PLPP4: variants seen among roughly 807,000 people sequenced by gnomAD.
PLPP4 encodes diacylglycerol pyrophosphate like 2.
In PLPP4, 20 loss-of-function variants were observed where a neutral mutation model predicts 32.2. That is an observed-to-expected ratio of 0.62 (90% confidence interval 0.44 to 0.90). The LOEUF (loss-of-function observed/expected upper bound fraction) is 0.90, where lower values mean the gene tolerates loss of function less well. Ranked by LOEUF, PLPP4 falls within the 40% of genes least tolerant of loss-of-function variation. The pLI, the probability that PLPP4 is intolerant of heterozygous loss-of-function variation, is 0.00. For missense variants in PLPP4, 257 were observed against 353.1 expected, an observed-to-expected ratio of 0.73 and a Z score of 2.18; for synonymous variants, 127 against 133.0, an observed-to-expected ratio of 0.95 and a Z score of 0.31.
intron 3 of PLPP4, among the ~76,000 whole-genome samples, chr10:120,518,533 A>T (rs1846024227): frequency 6.6e-6 from 1 of 152,202 alleles, no homozygotes; most frequent in African/African-American, 2.4e-5. Context: ...ATCTGTTCAT[A>T]TCAGGCCAGA....
At chr10:120,517,414 G>A (rs1365973294) in intron 3 of PLPP4, among the ~76,000 whole-genome samples, 1 of 152,230 alleles carries the variant, frequency 6.6e-6, no homozygotes. Flanking sequence ...GCTTGCCAGA[G>A]AGAAGGGAAG....
chr10:120,586,029 G>T (rs935248727), intron 6 of PLPP4, among the ~76,000 whole-genome samples: 1 of 152,068 alleles, frequency 6.6e-6, no homozygotes, highest in Non-Finnish European at 1.5e-5. Flanking sequence ...CAATTATTTG[G>T]TCTCTCCCAT....
Position 120,589,672 on chromosome 10 carries a change from T to C in PLPP4, c.*170T>C. 1.7e-6 allele frequency: 1 copy of C among 594,498 alleles called. No individual in the cohort carries two copies. The highest frequency in any genetic ancestry group is 2.4e-5 in the South Asian group (1 of 42,216). 36.8% of individuals were successfully genotyped at this position (594,498 alleles called of 1,614,324 possible). On this transcript the variant is annotated 3_prime_UTR_variant, in exon 7 of 7. Transcript: ENST00000398250. Reference sequence around the variant, plus strand: ...TGTTCCTGCTACTTTAAATGTCTACTTCCAACATCCTTGAATTTGCAAGTG... The same window carrying C: ...TGTTCCTGCTACTTTAAATGTCTACCTCCAACATCCTTGAATTTGCAAGTG...
intron 5 of PLPP4, among the ~76,000 whole-genome samples, chr10:120,545,309 T>G (rs975899465): frequency 6.6e-5 from 10 of 152,218 alleles, no homozygotes; most frequent in African/African-American, 2.2e-4. Context: ...ATGATTTTTG[T>G]TTTTTTCCCA....
intron 1 of PLPP4, among the ~76,000 whole-genome samples, chr10:120,465,715 G>C (rs2478433): frequency 6.6e-6 from 1 of 152,084 alleles, no homozygotes; most frequent in Non-Finnish European, 1.5e-5. Context: ...AAAGAAATGT[G>C]CACTATTCAT....
At chr10:120,507,128 G>A (rs1471180777) in intron 2 of PLPP4, among the ~76,000 whole-genome samples, 2 of 152,150 alleles carry the variant, frequency 1.3e-5, no homozygotes, top group Admixed American at 6.5e-5. Flanking sequence ...GTTGTCTATA[G>A]TAGTTGTGTC....
Position 120,489,925 on chromosome 10 carries a change from C to T in PLPP4, c.57-13893C>T, listed in dbSNP as rs1329875778. Reference sequence around the variant, plus strand: ...TGATTCAACAAATATTTATTGAGCACCTACTGCATGCCAGGCACTATTCTA... The same window carrying T: ...TGATTCAACAAATATTTATTGAGCATCTACTGCATGCCAGGCACTATTCTA... On this transcript the variant is annotated intron_variant, in intron 1 of 6. Coordinates refer to ENST00000398250, the MANE Select transcript of PLPP4 (RefSeq NM_001030059.3). Among the ~76,000 whole-genome samples the T allele has an allele frequency of 3.9e-5, 6 of 152,148 alleles. No individual in the cohort carries two copies. The East Asian group carries it at 7.7e-4, about 20-fold the overall frequency.
At chr10:120,475,364 C>T (rs1483779054) in intron 1 of PLPP4, among the ~76,000 whole-genome samples, 3 of 152,104 alleles carry the variant, frequency 2.0e-5, no homozygotes, top group African/African-American at 4.8e-5. Context: ...CACAGGCCTG[C>T]GTTAGCATGG....
chr10:120,571,450 C>T (rs952979657), intron 5 of PLPP4, among the ~76,000 whole-genome samples: 2 of 152,018 alleles, frequency 1.3e-5, no homozygotes, highest in Non-Finnish European at 2.9e-5. Flanking sequence ...TAACTTGTTC[C>T]ATGCTAGCAC....
At chr10:120,480,580 G>T (rs1046987768) in intron 1 of PLPP4, among the ~76,000 whole-genome samples, 1 of 152,226 alleles carries the variant, frequency 6.6e-6, no homozygotes, top group African/African-American at 2.4e-5. Context: ...CATGCAGTCG[G>T]CAGCTCACTT....
chr10:120,528,761 A>G (rs1405926415), intron 5 of PLPP4, among the ~76,000 whole-genome samples: 1 of 152,146 alleles, frequency 6.6e-6, no homozygotes, highest in Non-Finnish European at 1.5e-5. Flanking sequence ...TTTGGAGGGC[A>G]ATGTTTCTCA....
In PLPP4 at chr10:120,589,378, A is replaced by C; in HGVS notation, c.692A>C (p.Asn231Thr). The C allele has an allele frequency of 6.2e-7, 1 of 1,614,142 alleles. No individual in the cohort carries two copies. Among genetic ancestry groups the C allele is most frequent in the Non-Finnish European group, 8.5e-7 (1 of 1,180,028 alleles). The change falls in exon 7 of 7, where the codon AAC becomes ACC. Residue 231 changes from asparagine to threonine, a missense_variant. Transcript: ENST00000398250. ...AGACAGCACTATCCTCCTCTGGCCA[A>C]CACAGCTTGCCATAAACCCTACGTT... Reference protein sequence around the residue: ...CYRQHYPPLANTACHKPYVSL... With the variant: ...CYRQHYPPLATTACHKPYVSL...
At chr10:120,501,880 C>G (rs904083978) in intron 1 of PLPP4, among the ~76,000 whole-genome samples, 2 of 152,204 alleles carry the variant, frequency 1.3e-5, no homozygotes, top group African/African-American at 4.8e-5. Flanking sequence ...TCAGCCTCCC[C>G]CATTGCAGAG....
At chr10:120,565,727 AC>A (rs1317432113) in intron 5 of PLPP4, among the ~76,000 whole-genome samples, 5 of 151,992 alleles carry the variant, frequency 3.3e-5, no homozygotes, top group African/African-American at 4.8e-5. Flanking sequence ...ATCCTGAGAT[AC>A]CCTCTGCCAT....
At chr10:120,500,745 C>T (rs1359450504) in intron 1 of PLPP4, among the ~76,000 whole-genome samples, 1 of 152,150 alleles carries the variant, frequency 6.6e-6, no homozygotes, top group Non-Finnish European at 1.5e-5. Flanking sequence ...GTTAGCAATG[C>T]TAGCTAAGCT....
intron 5 of PLPP4, among the ~76,000 whole-genome samples, chr10:120,532,138 A>G (rs763564607): frequency 6.6e-6 from 1 of 151,650 alleles, no homozygotes; most frequent in Non-Finnish European, 1.5e-5. Context: ...TTCAACTCCC[A>G]CTTATGAGTG....
At chr10:120,496,978 C>T (rs1159898259) in intron 1 of PLPP4, among the ~76,000 whole-genome samples, 1 of 151,364 alleles carries the variant, frequency 6.6e-6, no homozygotes, top group Non-Finnish European at 1.5e-5. Context: ...TTTTATCTGT[C>T]ATGAGTCTAG....
intron 1 of PLPP4, among the ~76,000 whole-genome samples, chr10:120,486,262 G>A (rs370329128): frequency 9.3e-5 from 4 of 43,234 alleles, no homozygotes; most frequent in African/African-American, 3.0e-4. Flanking sequence ...TTTCATTTAA[G>A]TTTTTTTTTT....
chr10:120,589,056 A>G (rs1229603688), intron 6 of PLPP4, among the ~76,000 whole-genome samples: 1 of 152,114 alleles, frequency 6.6e-6, no homozygotes, highest in African/African-American at 2.4e-5. Context: ...AAACAACAAC[A>G]ACAACCCAAA....
Sources: allele counts gnomAD v4.1 joint callset (sites outside exome capture counted in the v4.1 genomes callset), GRCh38; gene constraint gnomAD v4.1.1; transcripts MANE v1.5; gene names NCBI Gene and HGNC (gene_info 2026-07-23, HGNC 2026-07-21).